The following MAPK10 variants were observed in gnomAD, a reference collection of about 807,000 sequenced individuals.
MAPK10 encodes JNK3 alpha protein kinase.
MAPK10 carries 25 observed loss-of-function variants against 59.3 expected under a neutral mutation model. The ratio of observed to expected loss-of-function variants is 0.42; its 90% CI spans 0.31 to 0.59. The LOEUF (loss-of-function observed/expected upper bound fraction) is 0.59. Among genes scored for constraint, MAPK10 ranks in the 20% least tolerant of loss-of-function variants. The pLI, the probability that MAPK10 is intolerant of heterozygous loss-of-function variation, is 0.15. For synonymous variants in MAPK10, 190 were observed against 200.5 expected, an observed-to-expected ratio of 0.95 and a Z score of 0.44; for missense variants, 351 against 568.9, an observed-to-expected ratio of 0.62 and a Z score of 3.90.
At chr4:86,201,493 T>C (rs1045560870) in intron 2 of MAPK10, among the ~76,000 whole-genome samples, 12 of 151,876 alleles carry the variant, frequency 7.9e-5, no homozygotes, top group African/African-American at 1.2e-4. Context: ...TGAAGTGCTT[T>C]TCCAAGTCTT....
At chr4:86,510,301 CAG>C (rs1313873057) in intron 1 of MAPK10, among the ~76,000 whole-genome samples, 1 of 151,876 alleles carries the variant, frequency 6.6e-6, no homozygotes, top group Non-Finnish European at 1.5e-5. Context: ...TTTGTAGAGG[CAG>C]AGTTTTACCA....
At position 86,017,481 on chromosome 4, in the gene MAPK10, A is replaced by G. The variant is rs1578557839; in HGVS notation, c.1253-111T>C. The stretch of plus-strand genomic sequence containing the variant: ...ACAATAGGGGATGTCCAGTCCATCA[A>G]TCATTTGGCAAGCCTTTATAGAGCA... On this transcript the variant is annotated intron_variant, in intron 13 of 13. Coordinates refer to ENST00000641462, the MANE Select transcript of MAPK10 (RefSeq NM_138982.4). This position sits in a 1 kb window ranked among gnomAD's most constrained non-coding sequence, Gnocchi z 4.4. 1 of 1,196,732 alleles carries G rather than the reference A, an allele frequency of 8.4e-7. No individual in the cohort carries two copies. Among genetic ancestry groups the G allele is most frequent in the South Asian group, 1.4e-5 (1 of 69,610 alleles). The allele number at this position is 1,196,732 out of a possible 1,614,324, so 74.1% of individuals were successfully genotyped here. A position where few individuals can be genotyped will look rare whatever the true frequency, so the allele number is the denominator to read the frequency against.
intron 4 of MAPK10, 51 bp downstream of exon 4, chr4:86,159,247 G>C: frequency 1.4e-6 from 2 of 1,416,236 alleles, no homozygotes; most frequent in South Asian, 1.5e-5. Flanking sequence ...GTGTCTAGTA[G>C]TTGCACACGG....
intron 1 of MAPK10, among the ~76,000 whole-genome samples, chr4:86,407,709 A>C (rs1744539080): frequency 6.6e-6 from 1 of 152,214 alleles, no homozygotes; most frequent in African/African-American, 2.4e-5. Context: ...AAAAGAATAA[A>C]GTGATACTAA....
chr4:86,507,315 T>G (rs1222189453), intron 1 of MAPK10, among the ~76,000 whole-genome samples: 2 of 151,834 alleles, frequency 1.3e-5, no homozygotes, highest in East Asian at 3.9e-4. Context: ...GCTATTAGAT[T>G]GACCAAATAC....
intron 1 of MAPK10, among the ~76,000 whole-genome samples, chr4:86,376,147 C>T (rs1038021757): frequency 1.3e-5 from 2 of 152,078 alleles, no homozygotes; most frequent in Non-Finnish European, 2.9e-5. Flanking sequence ...TCCATTTTTC[C>T]CCTTATTAGA....
intron 1 of MAPK10, among the ~76,000 whole-genome samples, chr4:86,494,588 G>C (rs1475130148): frequency 6.6e-6 from 1 of 152,040 alleles, no homozygotes; most frequent in Non-Finnish European, 1.5e-5. Flanking sequence ...GCTCACACCC[G>C]TAATCCCAGC....
chr4:86,103,885 T>C (rs945492970), intron 5 of MAPK10, among the ~76,000 whole-genome samples: 6 of 152,076 alleles, frequency 3.9e-5, no homozygotes, highest in Non-Finnish European at 8.8e-5. Context: ...ATCTACCTTC[T>C]AGTATAAGCA....
upstream of MAPK10, among the ~76,000 whole-genome samples, chr4:86,363,383 T>TAG (rs2148986569): frequency 6.6e-6 from 1 of 152,318 alleles, no homozygotes; most frequent in Non-Finnish European, 1.5e-5. Flanking sequence ...GAGGGACAAC[T>TAG]GCATTTGCCT....
chr4:86,451,422 TGAA>T (rs1750706027), intron 1 of MAPK10, among the ~76,000 whole-genome samples: 1 of 152,152 alleles, frequency 6.6e-6, no homozygotes, highest in South Asian at 2.1e-4. Flanking sequence ...GGTAATAACA[TGAA>T]GAATAACGGC....
chr4:86,170,410 C>A (rs1369000239), intron 3 of MAPK10, among the ~76,000 whole-genome samples: 1 of 152,162 alleles, frequency 6.6e-6, no homozygotes. Flanking sequence ...AGGTTACAAT[C>A]CTAGTCTCTG....
chr4:86,061,114 T>C (rs1452299137), intron 11 of MAPK10, among the ~76,000 whole-genome samples: 1 of 152,184 alleles, frequency 6.6e-6, no homozygotes, highest in African/African-American at 2.4e-5. Flanking sequence ...AGGAGAACTT[T>C]CTTAGTTTAG....
intron 1 of MAPK10, among the ~76,000 whole-genome samples, chr4:86,373,799 TG>T (rs1360701639): frequency 6.6e-6 from 1 of 152,204 alleles, no homozygotes; most frequent in Non-Finnish European, 1.5e-5. Flanking sequence ...GCTTTTCCAC[TG>T]TTGATGGGAG....
intron 1 of MAPK10, among the ~76,000 whole-genome samples, chr4:86,585,804 C>CT (rs1762619147): frequency 6.6e-6 from 1 of 152,128 alleles, no homozygotes; most frequent in South Asian, 2.1e-4. Context: ...AAGTTTTCTA[C>CT]TAGACATTAT....
At chr4:86,292,849 C>T (rs902350411) in intron 2 of MAPK10, among the ~76,000 whole-genome samples, 5 of 152,164 alleles carry the variant, frequency 3.3e-5, no homozygotes, top group East Asian at 3.9e-4. Flanking sequence ...TCAGAGAAAG[C>T]GGTGGTGGTC....
At chr4:86,293,932 G>A (rs967812151) in intron 2 of MAPK10, among the ~76,000 whole-genome samples, 6 of 152,120 alleles carry the variant, frequency 3.9e-5, no homozygotes, top group South Asian at 4.1e-4. Context: ...ATGGGATTCC[G>A]AGGAGACAAA....
intron 9 of MAPK10, among the ~76,000 whole-genome samples, chr4:86,094,175 ATCCT>A (rs1165609468): frequency 6.6e-6 from 1 of 151,984 alleles, no homozygotes; most frequent in Non-Finnish European, 1.5e-5. Flanking sequence ...TTTTACTTTG[ATCCT>A]TCCTAATGTT....
At chr4:86,432,670 C>T (rs1748197750) in intron 1 of MAPK10, among the ~76,000 whole-genome samples, 1 of 152,128 alleles carries the variant, frequency 6.6e-6, no homozygotes. Flanking sequence ...TAGGGAGTGG[C>T]CTAAGGGCTG....
At chr4:86,373,764 G>A (rs1290757758) in intron 1 of MAPK10, among the ~76,000 whole-genome samples, 1 of 152,202 alleles carries the variant, frequency 6.6e-6, no homozygotes, top group Non-Finnish European at 1.5e-5. Context: ...AACAGATGCT[G>A]GAGATGATGT....
Sources: allele counts gnomAD v4.1 joint callset (sites outside exome capture counted in the v4.1 genomes callset), GRCh38; gene constraint gnomAD v4.1.1; non-coding constraint Gnocchi (gnomAD v3.1); transcripts MANE v1.5; gene names NCBI Gene and HGNC (gene_info 2026-07-23, HGNC 2026-07-21).